Variants in EXOC2 observed in about 807,000 individuals in gnomAD.
The protein encoded by EXOC2 is SEC5-like 1.
In EXOC2, 70 loss-of-function variants were observed where a neutral mutation model predicts 131.8. The ratio of observed to expected loss-of-function variants is 0.53; its 90% CI spans 0.44 to 0.65. The LOEUF (loss-of-function observed/expected upper bound fraction) is 0.65. Ranked by LOEUF, EXOC2 falls within the 30% of genes least tolerant of loss-of-function variation. The probability of loss-of-function intolerance (pLI) is 0.00; values close to 1 mark genes in which losing one functional copy is unlikely to be tolerated. For synonymous variants in EXOC2, 411 were observed against 398.4 expected, an observed-to-expected ratio of 1.03 and a Z score of -0.38; for missense variants, 923 against 1,108.6, an observed-to-expected ratio of 0.83 and a Z score of 2.38.
Position 485,843 on chromosome 6 carries a change from C to A in EXOC2, c.*828G>T, listed in dbSNP as rs1763013587. 6.6e-6 allele frequency: 1 copy of A among 152,298 alleles called. No individual in the cohort carries two copies. The highest frequency in any genetic ancestry group is 2.4e-5 in the African/African-American group (1 of 41,446). The allele number at this position is 152,298 out of a possible 1,614,324, so 9.4% of individuals were successfully genotyped here. ...CAGGGAGTTGGCCGTCCACGCGGAGCCTGGCCTTTCCGTTAGGGGACCCTG... is the reference window on the plus strand; with the variant it reads ...CAGGGAGTTGGCCGTCCACGCGGAGACTGGCCTTTCCGTTAGGGGACCCTG... On this transcript the variant is annotated 3_prime_UTR_variant, in exon 28 of 28. Coordinates refer to ENST00000230449, the MANE Select transcript of EXOC2 (RefSeq NM_018303.6).
intron 1 of EXOC2, among the ~76,000 whole-genome samples, chr6:673,720 G>A (rs1031158822): frequency 6.6e-6 from 1 of 152,082 alleles, no homozygotes; most frequent in African/African-American, 2.4e-5. Flanking sequence ...TACTATTTTG[G>A]CAGGGATCTC....
At chr6:663,512 G>A (rs1389230245) in intron 1 of EXOC2, among the ~76,000 whole-genome samples, 1 of 152,176 alleles carries the variant, frequency 6.6e-6, no homozygotes, top group Non-Finnish European at 1.5e-5. Context: ...CAATATCCTT[G>A]ATGAACATAG....
At chr6:505,239 T>C (rs1023483397) in intron 23 of EXOC2, among the ~76,000 whole-genome samples, 2 of 152,250 alleles carry the variant, frequency 1.3e-5, no homozygotes, top group South Asian at 2.1e-4. Flanking sequence ...GTTTCATACA[T>C]AGTCCTTGGA....
chr6:630,616 A>G (rs1000027784), intron 3 of EXOC2, among the ~76,000 whole-genome samples: 4 of 152,240 alleles, frequency 2.6e-5, no homozygotes, highest in African/African-American at 9.6e-5. Flanking sequence ...ATGGTTCTTG[A>G]AAGCTCTCAA....
At chr6:571,984 G>A (rs1239191110) in intron 13 of EXOC2, among the ~76,000 whole-genome samples, 2 of 152,190 alleles carry the variant, frequency 1.3e-5, no homozygotes, top group Non-Finnish European at 2.9e-5. Flanking sequence ...AGATACTAAA[G>A]CATTAATAAA....
intron 23 of EXOC2, among the ~76,000 whole-genome samples, chr6:505,148 A>C (rs1764460519): frequency 1.3e-5 from 2 of 152,118 alleles, no homozygotes; most frequent in Admixed American, 6.5e-5. Context: ...AGAAAAAAAA[A>C]ACACGAATAC....
At chr6:692,508 T>G (rs12661989) in intron 1 of EXOC2, among the ~76,000 whole-genome samples, 7,008 of 152,276 alleles carry the variant, frequency 0.046, 285 homozygotes, top group South Asian at 0.17. Context: ...GCAGCGTACA[T>G]ACACCCGCGC....
intron 11 of EXOC2, among the ~76,000 whole-genome samples, chr6:590,175 C>T (rs1042746255): frequency 2.6e-5 from 4 of 151,344 alleles, no homozygotes; most frequent in South Asian, 2.1e-4. Flanking sequence ...AGAGCTCTGC[C>T]GAACAGAGTA....
chr6:568,439 C>T lies in EXOC2; in HGVS notation c.1444-3510G>A, dbSNP rs148634602. Among the ~76,000 whole-genome samples, 558 of 152,316 alleles carry T rather than the reference C, an allele frequency of 3.7e-3. 2 individuals are homozygous for T. Among genetic ancestry groups the T allele is most frequent in the African/African-American group, 0.013 (539 of 41,560 alleles). On this transcript the variant is annotated intron_variant, in intron 13 of 27. Transcript: ENST00000230449. Reference sequence around the variant, plus strand: ...GCATTCAAACTGGAGCTTACAGCATCGGCCATCCAGCTGGGCAATGCATCC... The same window carrying T: ...GCATTCAAACTGGAGCTTACAGCATTGGCCATCCAGCTGGGCAATGCATCC...
At chr6:533,658 G>A (rs999500980) in intron 22 of EXOC2, among the ~76,000 whole-genome samples, 5 of 152,192 alleles carry the variant, frequency 3.3e-5, no homozygotes, top group East Asian at 1.9e-4. Context: ...TCAGCCCTAC[G>A]TGAGTGTGCC....
At chr6:692,504 T>C (rs944461376) in intron 1 of EXOC2, among the ~76,000 whole-genome samples, 2 of 152,188 alleles carry the variant, frequency 1.3e-5, no homozygotes, top group African/African-American at 2.4e-5. Flanking sequence ...CACGGCAGCG[T>C]ACATACACCC....
chr6:647,204 G>C (rs9504589), intron 1 of EXOC2, among the ~76,000 whole-genome samples: 6,483 of 152,072 alleles, frequency 0.043, 288 homozygotes, highest in South Asian at 0.16. Flanking sequence ...TTCAGATTCT[G>C]GTCTAGATCA....
At chr6:491,071 T>G (rs1015237765) in intron 26 of EXOC2, 54 bp downstream of exon 26, 2 of 1,565,178 alleles carry the variant, frequency 1.3e-6, no homozygotes, top group African/African-American at 1.4e-5. Context: ...AATTGACTAG[T>G]AAGACAACCT....
At chr6:624,257 A>G (rs1187925464) in intron 4 of EXOC2, among the ~76,000 whole-genome samples, 2 of 152,212 alleles carry the variant, frequency 1.3e-5, no homozygotes, top group Admixed American at 1.3e-4. Context: ...CCCAACGGGA[A>G]GCAGCAGTAA....
chr6:656,508 A>G, intron 1 of EXOC2: 1 of 1,605,016 alleles, frequency 6.2e-7, no homozygotes, highest in Non-Finnish European at 8.5e-7. Context: ...GCTGGGCGGC[A>G]GGCAGTCCCG....
intron 23 of EXOC2, among the ~76,000 whole-genome samples, chr6:502,781 T>C (rs530980206): frequency 7.9e-5 from 12 of 152,342 alleles, no homozygotes; most frequent in Non-Finnish European, 1.8e-4. Flanking sequence ...CTTTTGTATT[T>C]CTAGATTTTA....
At chr6:528,104 C>A (rs1406540223) in intron 23 of EXOC2, among the ~76,000 whole-genome samples, 3 of 151,880 alleles carry the variant, frequency 2.0e-5, no homozygotes, top group Non-Finnish European at 4.4e-5. Context: ...CTGACATATA[C>A]ACAAATAAAG....
chr6:670,047 C>G (rs1250933251), intron 1 of EXOC2: 2 of 152,218 alleles, frequency 1.3e-5, no homozygotes, highest in African/African-American at 2.4e-5. Flanking sequence ...AGACAGAAAC[C>G]TGATGATCAC....
chr6:531,569 T>C (rs538311879), intron 23 of EXOC2, among the ~76,000 whole-genome samples: 15 of 152,384 alleles, frequency 9.8e-5, no homozygotes, highest in African/African-American at 3.6e-4. Flanking sequence ...ACGTGAACAC[T>C]ATACAATAAA....
Sources: gnomAD v4.1 joint callset for allele counts (sites outside exome capture counted in the v4.1 genomes callset) on GRCh38, gnomAD v4.1.1 for gene constraint, MANE v1.5 for transcripts, NCBI Gene and HGNC (gene_info 2026-07-23, HGNC 2026-07-21) for gene names.